NEDD4L: variants seen among roughly 807,000 people sequenced by gnomAD.
NEDD4L encodes the protein E3 ubiquitin-protein ligase NEDD4-like.
NEDD4L carries 54 observed loss-of-function variants against 148.9 expected under a neutral mutation model. The ratio of observed to expected loss-of-function variants is 0.36; its 90% CI spans 0.29 to 0.45. The LOEUF (loss-of-function observed/expected upper bound fraction) is 0.45, where lower values mean the gene tolerates loss of function less well. NEDD4L is among the 20% of genes least tolerant of loss of function. NEDD4L has a pLI of 1.00. For missense variants in NEDD4L, 856 were observed against 1,233.8 expected, an observed-to-expected ratio of 0.69 and a Z score of 4.59; for synonymous variants, 433 against 440.7, an observed-to-expected ratio of 0.98 and a Z score of 0.22.
At chr18:58,092,719 A>G (rs2084149022) in intron 1 of NEDD4L, among the ~76,000 whole-genome samples, 1 of 151,894 alleles carries the variant, frequency 6.6e-6, no homozygotes, top group South Asian at 2.1e-4. Context: ...TAAGAGCATG[A>G]AGGCAACAGC....
At chr18:58,196,710 C>CTTTTTT (rs544883000) in intron 2 of NEDD4L, among the ~76,000 whole-genome samples, 5 of 114,442 alleles carry the variant, frequency 4.4e-5, no homozygotes, top group Non-Finnish European at 7.3e-5. Flanking sequence ...CTCTCTCTCT[C>CTTTTTT]TTTTTTTTTT....
At chr18:58,292,744 G>C (rs1568599717) in intron 5 of NEDD4L, among the ~76,000 whole-genome samples, 1 of 152,212 alleles carries the variant, frequency 6.6e-6, no homozygotes, top group South Asian at 2.1e-4. Context: ...GATGTTGAAT[G>C]AATGAGCTTA....
At chr18:58,070,275 A>T (rs528742993) in intron 1 of NEDD4L, among the ~76,000 whole-genome samples, 503 of 151,616 alleles carry the variant, frequency 3.3e-3, no homozygotes, top group Non-Finnish European at 5.5e-3. Flanking sequence ...TTATTTATTT[A>T]TTTTTTTGAG....
intron 2 of NEDD4L, among the ~76,000 whole-genome samples, chr18:58,243,263 G>T (rs73961538): frequency 0.011 from 1,670 of 152,320 alleles, 35 homozygotes; most frequent in African/African-American, 0.038. Flanking sequence ...GTGCGTGTGT[G>T]TGCACGTGTG....
At chr18:58,215,516 G>C (rs1304200442) in intron 2 of NEDD4L, among the ~76,000 whole-genome samples, 1 of 152,076 alleles carries the variant, frequency 6.6e-6, no homozygotes, top group Admixed American at 6.5e-5. Flanking sequence ...CTCCCCATCT[G>C]TCATATGTTT....
chr18:58,140,712 C>T (rs559893042), intron 1 of NEDD4L, among the ~76,000 whole-genome samples: 1 of 152,212 alleles, frequency 6.6e-6, no homozygotes, highest in East Asian at 1.9e-4. Flanking sequence ...GGAGGAGTGC[C>T]TTTCTGGTGT....
chr18:58,280,029 C>T (rs2052765840), intron 5 of NEDD4L, among the ~76,000 whole-genome samples: 2 of 152,140 alleles, frequency 1.3e-5, no homozygotes, highest in Non-Finnish European at 2.9e-5. Context: ...TTATAAGCCA[C>T]AGTGTGCTAG....
chr18:58,207,644 T>C (rs1263282588), intron 2 of NEDD4L, among the ~76,000 whole-genome samples: 1 of 152,200 alleles, frequency 6.6e-6, no homozygotes, highest in Non-Finnish European at 1.5e-5. Context: ...GGCAGTACCA[T>C]GCCCATCCCC....
At chr18:58,089,126 ATTTTT>A (rs570623396) in intron 1 of NEDD4L, among the ~76,000 whole-genome samples, 92 of 100,970 alleles carry the variant, frequency 9.1e-4, no homozygotes, top group African/African-American at 3.5e-3. Flanking sequence ...TTATTTCATA[ATTTTT>A]TTTTTTTTTT....
intron 1 of NEDD4L, chr18:58,149,640 A>G: frequency 1.1e-6 from 1 of 886,036 alleles, no homozygotes; most frequent in Non-Finnish European, 1.9e-6. Flanking sequence ...ACATCCACCC[A>G]TAGTCATGAT....
chr18:58,165,184 A>G (rs2036693775), intron 1 of NEDD4L, among the ~76,000 whole-genome samples: 1 of 152,236 alleles, frequency 6.6e-6, no homozygotes, highest in Non-Finnish European at 1.5e-5. Flanking sequence ...AAATATTGGA[A>G]TGAATGAAGA....
intron 5 of NEDD4L, chr18:58,255,791 G>A: frequency 1.6e-6 from 2 of 1,232,620 alleles, no homozygotes. Flanking sequence ...CGCCCAGAAC[G>A]GAGGGGAGGA....
intron 1 of NEDD4L, among the ~76,000 whole-genome samples, chr18:58,117,610 C>T (rs2085933715): frequency 1.3e-5 from 2 of 152,188 alleles, no homozygotes; most frequent in Admixed American, 1.3e-4. Flanking sequence ...TCACGGTTAC[C>T]CTGACGGGGC....
At chr18:58,356,787 G>GA (rs1486385908) in intron 18 of NEDD4L, among the ~76,000 whole-genome samples, 2 of 151,812 alleles carry the variant, frequency 1.3e-5, no homozygotes, top group Admixed American at 6.6e-5. Flanking sequence ...TTTGAAATGA[G>GA]AAAAAAAATC....
chr18:58,179,102 G>T (rs1038492920), intron 2 of NEDD4L, among the ~76,000 whole-genome samples: 1 of 152,172 alleles, frequency 6.6e-6, no homozygotes, highest in African/African-American at 2.4e-5. Flanking sequence ...TTGGTTAGGT[G>T]ATTTTAAACA....
intron 5 of NEDD4L, among the ~76,000 whole-genome samples, chr18:58,259,279 C>T (rs1339003341): frequency 6.6e-6 from 1 of 152,102 alleles, no homozygotes; most frequent in African/African-American, 2.4e-5. Context: ...ATAAGTTTTC[C>T]ACCTGGTTTA....
intron 2 of NEDD4L, among the ~76,000 whole-genome samples, chr18:58,217,877 C>T (rs2043316027): frequency 6.6e-6 from 1 of 152,012 alleles, no homozygotes; most frequent in Non-Finnish European, 1.5e-5. Flanking sequence ...GCTTTTTAAA[C>T]TATTTTATGG....
Position 58,322,497 on chromosome 18 carries a change from TG to T in NEDD4L, c.410+14del. ...CCTCAGACCAAGAAGGTGAGGCTTG[TG>T]GGTATGGGTGGGTGGGGATGCCTGC... On this transcript the variant is annotated intron_variant, in intron 7 of 30. Coordinates refer to ENST00000400345, the MANE Select transcript of NEDD4L (RefSeq NM_001144967.3). 2 of 578,184 alleles carry T rather than the reference TG, an allele frequency of 3.5e-6. No individual in the cohort carries two copies. Among genetic ancestry groups the T allele is most frequent in the Non-Finnish European group, 6.5e-6 (2 of 308,552 alleles). The allele number at this position is 578,184 out of a possible 1,614,324, so 35.8% of individuals were successfully genotyped here.
chr18:58,284,076 C>G (rs1329491367), intron 5 of NEDD4L, among the ~76,000 whole-genome samples: 11 of 152,172 alleles, frequency 7.2e-5, no homozygotes, highest in Non-Finnish European at 2.9e-5. Flanking sequence ...AAGGAACCAC[C>G]CTGCCCATAT....
Sources: allele counts gnomAD v4.1 joint callset (sites outside exome capture counted in the v4.1 genomes callset), GRCh38; gene constraint gnomAD v4.1.1; transcripts MANE v1.5; gene names NCBI Gene and HGNC (gene_info 2026-07-23, HGNC 2026-07-21).